Variants in SV2C observed in about 807,000 individuals in gnomAD.
SV2C encodes the protein synaptic vesicle glycoprotein 2C.
SV2C carries 49 observed loss-of-function variants against 79.7 expected under a neutral mutation model. The ratio of observed to expected loss-of-function variants is 0.61; its 90% CI spans 0.49 to 0.78. The LOEUF (loss-of-function observed/expected upper bound fraction) is 0.78. Ranked by LOEUF, SV2C falls within the 30% of genes least tolerant of loss-of-function variation. SV2C has a pLI of 0.00. For missense variants in SV2C, 833 were observed against 912.9 expected (o/e 0.91, Z 1.13); for synonymous variants, 334 against 333.2 (o/e 1.00, Z -0.03).
At chr5:75,972,864 A>G in the SV2C span, among the ~76,000 whole-genome samples, 1 of 152,124 alleles carries the variant, frequency 6.6e-6, no homozygotes, top group African/African-American at 2.4e-5. Context: ...GCTGCTATAA[A>G]GACACATGCA....
intron 2 of SV2C, among the ~76,000 whole-genome samples, chr5:76,164,819 A>G (rs141045041): frequency 1.6e-3 from 246 of 151,588 alleles, no homozygotes; most frequent in African/African-American, 5.1e-3. Context: ...CAGGACCTCT[A>G]CAGATATCAA....
chr5:76,276,097 C>A (rs1206830529), intron 4 of SV2C, among the ~76,000 whole-genome samples: 2 of 152,158 alleles, frequency 1.3e-5, no homozygotes, highest in African/African-American at 4.8e-5. Flanking sequence ...TGTCTCTCCA[C>A]TTTCTGATTT....
chr5:76,265,582 T>C (rs1335775468), intron 4 of SV2C, among the ~76,000 whole-genome samples: 1 of 152,230 alleles, frequency 6.6e-6, no homozygotes, highest in Non-Finnish European at 1.5e-5. Context: ...AATTTTGTGC[T>C]TGAAACCCAG....
Position 76,228,994 on chromosome 5 carries a change from C to T in SV2C, c.913+19107C>T, listed in dbSNP as rs1310686070. 2.6e-5 allele frequency among the ~76,000 whole-genome samples: 4 copies of T among 152,206 alleles called. No individual in the cohort carries two copies. In the East Asian group the frequency reaches 7.7e-4, roughly 29 times the overall value. ...GAAGCCACAGGTACTCACTGTGGCC[C>T]ATGCCCAGCTTTCTGTCAAACATTC... On this transcript the variant is annotated intron_variant, in intron 4 of 12. Coordinates refer to ENST00000502798, the MANE Select transcript of SV2C (RefSeq NM_014979.4).
intron 2 of SV2C, among the ~76,000 whole-genome samples, chr5:76,169,976 AAAATAAT>A (rs990442922): frequency 1.4e-5 from 2 of 143,926 alleles, no homozygotes; most frequent in African/African-American, 2.6e-5. Context: ...ATATTGGTAA[AAAATAAT>A]AAATAAATAA....
the SV2C span, among the ~76,000 whole-genome samples, chr5:75,957,818 C>T: frequency 1.3e-5 from 2 of 152,024 alleles, no homozygotes; most frequent in African/African-American, 4.8e-5. Flanking sequence ...GCCCAGCCAT[C>T]TCCTCTTAAG....
the SV2C span, among the ~76,000 whole-genome samples, chr5:75,926,090 C>A: frequency 6.6e-6 from 1 of 152,100 alleles, no homozygotes; most frequent in Non-Finnish European, 1.5e-5. Context: ...TAGAAAATGG[C>A]AATATTCAAT....
chr5:75,956,612 G>T, the SV2C span, among the ~76,000 whole-genome samples: 1 of 151,834 alleles, frequency 6.6e-6, no homozygotes, highest in African/African-American at 2.4e-5. Flanking sequence ...TGAAAATTAA[G>T]ACCAGAATCT....
At chr5:76,340,823 T>C (rs2112584960) in intron 12 of SV2C, among the ~76,000 whole-genome samples, 1 of 152,244 alleles carries the variant, frequency 6.6e-6, no homozygotes, top group Non-Finnish European at 1.5e-5. Flanking sequence ...TTGTCCAGGC[T>C]GGTCTCGAAC....
At chr5:75,903,680 G>C in the SV2C span, among the ~76,000 whole-genome samples, 1,264 of 152,256 alleles carry the variant, frequency 8.3e-3, 24 homozygotes, top group African/African-American at 0.029. Flanking sequence ...TGTTCTCACA[G>C]CTCAGATTAT....
At chr5:76,298,718 A>G in intron 9 of SV2C, 76 bp from the exon 10 acceptor site, 1 of 1,549,724 alleles carries the variant, frequency 6.5e-7, no homozygotes, top group Non-Finnish European at 8.8e-7. Context: ...TTCCATCTCT[A>G]AAACTATTTG....
chr5:75,974,288 A>C, the SV2C span, among the ~76,000 whole-genome samples: 1 of 152,172 alleles, frequency 6.6e-6, no homozygotes, highest in African/African-American at 2.4e-5. Flanking sequence ...TTAGCAAATG[A>C]TTTGCTTTCA....
At chr5:76,290,736 G>C (rs1747534148) in intron 6 of SV2C, among the ~76,000 whole-genome samples, 1 of 152,230 alleles carries the variant, frequency 6.6e-6, no homozygotes, top group Non-Finnish European at 1.5e-5. Flanking sequence ...GGCTGTGGGA[G>C]AAGGAAGAAA....
chr5:76,027,059 CTT>C, the SV2C span, among the ~76,000 whole-genome samples: 1,678 of 122,090 alleles, frequency 0.014, 23 homozygotes, highest in African/African-American at 0.045. Flanking sequence ...TTTCAGTTGT[CTT>C]TTTTTTTTTT....
chr5:76,020,729 AG>A, the SV2C span, among the ~76,000 whole-genome samples: 3 of 152,174 alleles, frequency 2.0e-5, no homozygotes, highest in African/African-American at 7.2e-5. Context: ...GGGCACGGCC[AG>A]GTGACTGCTT....
chr5:75,870,532 G>T, the SV2C span, among the ~76,000 whole-genome samples: 1 of 151,788 alleles, frequency 6.6e-6, no homozygotes, highest in Non-Finnish European at 1.5e-5. Context: ...ATCTCAAAAG[G>T]GCAAACCTAA....
the SV2C span, among the ~76,000 whole-genome samples, chr5:75,989,895 CT>C: frequency 3.9e-4 from 56 of 141,796 alleles, no homozygotes; most frequent in East Asian, 3.5e-3. Flanking sequence ...TGATGTTGAG[CT>C]TTTTTTTTTT....
the SV2C span, among the ~76,000 whole-genome samples, chr5:75,883,796 C>A: frequency 6.6e-6 from 1 of 151,082 alleles, no homozygotes; most frequent in Non-Finnish European, 1.5e-5. Context: ...ATGTAACTAA[C>A]CTGCACATTG....
intron 1 of SV2C, among the ~76,000 whole-genome samples, chr5:76,085,100 C>T (rs531037658): frequency 3.3e-5 from 5 of 152,318 alleles, no homozygotes; most frequent in African/African-American, 1.2e-4. Flanking sequence ...AATTCTTATC[C>T]TTAATTCTGA....
Sources: allele counts gnomAD v4.1 joint callset (sites outside exome capture counted in the v4.1 genomes callset), GRCh38; gene constraint gnomAD v4.1.1; transcripts MANE v1.5; gene names NCBI Gene and HGNC (gene_info 2026-07-23, HGNC 2026-07-21).